The following SNX29 variants were observed in gnomAD, a reference collection of about 807,000 sequenced individuals.
SNX29 encodes sorting nexin-29.
A neutral mutation model predicts 102.1 loss-of-function variants in SNX29; 78 were observed. The observed-to-expected ratio is 0.76, with a 90% CI of 0.64 to 0.92. The LOEUF (loss-of-function observed/expected upper bound fraction) is 0.92. Among genes scored for constraint, SNX29 ranks in the 40% least tolerant of loss-of-function variants. The probability of loss-of-function intolerance (pLI) is 0.00; values close to 1 mark genes in which losing one functional copy is unlikely to be tolerated. For missense variants in SNX29, 1,280 were observed against 1,061.7 expected (o/e 1.21, Z -2.86); for synonymous variants, 580 against 414.5 (o/e 1.40, Z -4.85).
At chr16:12,273,547 C>A (rs999586827) in intron 14 of SNX29, among the ~76,000 whole-genome samples, 3 of 151,966 alleles carry the variant, frequency 2.0e-5, no homozygotes, top group Non-Finnish European at 4.4e-5. Context: ...TTAGTAGAGA[C>A]AGGGTTTCAC....
chr16:12,558,553 C>G (rs759508965), intron 20 of SNX29, among the ~76,000 whole-genome samples: 2 of 152,242 alleles, frequency 1.3e-5, no homozygotes, highest in African/African-American at 2.4e-5. Context: ...TGCCATGCCT[C>G]TCAGTACCCC....
intron 18 of SNX29, among the ~76,000 whole-genome samples, chr16:12,434,554 C>G (rs1366802972): frequency 1.3e-5 from 2 of 152,146 alleles, no homozygotes; most frequent in African/African-American, 2.4e-5. Context: ...CCACTGTTTT[C>G]TAAACTGTGT....
intron 18 of SNX29, among the ~76,000 whole-genome samples, chr16:12,416,580 T>C (rs987622287): frequency 5.3e-5 from 8 of 152,158 alleles, no homozygotes; most frequent in African/African-American, 1.2e-4. Flanking sequence ...CGCTGGGTAG[T>C]TGATAAAGAG....
intron 19 of SNX29, among the ~76,000 whole-genome samples, chr16:12,509,890 TC>T (rs2089535985): frequency 6.6e-6 from 1 of 152,260 alleles, no homozygotes; most frequent in Non-Finnish European, 1.5e-5. Context: ...GTCCCTGTTC[TC>T]CCTGCCACAG....
chr16:12,435,966 G>A (rs554048804), intron 18 of SNX29, among the ~76,000 whole-genome samples: 1 of 152,220 alleles, frequency 6.6e-6, no homozygotes, highest in African/African-American at 2.4e-5. Context: ...GTTACTTCCC[G>A]TAGGCCCAGG....
chr16:12,320,874 C>A (rs2080909114), intron 15 of SNX29, among the ~76,000 whole-genome samples: 1 of 152,152 alleles, frequency 6.6e-6, no homozygotes, highest in Admixed American at 6.5e-5. Flanking sequence ...CTGAGGTTGC[C>A]TTAGGTCCCA....
chr16:12,493,263 T>C (rs1258287632), intron 19 of SNX29, among the ~76,000 whole-genome samples: 1 of 152,164 alleles, frequency 6.6e-6, no homozygotes, highest in Non-Finnish European at 1.5e-5. Flanking sequence ...CCCTTGTAAG[T>C]TGGATTCCTA....
intron 13 of SNX29, among the ~76,000 whole-genome samples, chr16:12,182,258 C>A (rs986090818): frequency 1.4e-5 from 2 of 145,520 alleles, no homozygotes; most frequent in African/African-American, 5.1e-5. Flanking sequence ...TCACTGTCGT[C>A]TTTCCAGAAT....
chr16:12,550,188 T>C (rs1772647187), intron 20 of SNX29, among the ~76,000 whole-genome samples: 2 of 152,202 alleles, frequency 1.3e-5, no homozygotes, highest in Admixed American at 1.3e-4. Flanking sequence ...ATGACATTAT[T>C]ACTAAGAGGA....
At chr16:12,031,805 A>G (rs1156821484) in intron 4 of SNX29, among the ~76,000 whole-genome samples, 1 of 144,662 alleles carries the variant, frequency 6.9e-6, no homozygotes, top group African/African-American at 2.6e-5. Flanking sequence ...ACTCCATCTC[A>G]AAACAAAACA....
At position 12,460,479 on chromosome 16, in the gene SNX29, C is replaced by T. The variant is rs1362091016; in HGVS notation, c.2038-17240C>T. On this transcript the variant is annotated intron_variant, in intron 18 of 20. Coordinates refer to ENST00000566228, the MANE Select transcript of SNX29 (RefSeq NM_032167.5). Reference sequence around the variant, plus strand: ...TTGGTCTTCCCTCTTGTTACCTCCTCCTCCCCCTGGCCAGCTCCTCTTCAT... The same window carrying T: ...TTGGTCTTCCCTCTTGTTACCTCCTTCTCCCCCTGGCCAGCTCCTCTTCAT... Among the ~76,000 whole-genome samples the T allele has an allele frequency of 2.6e-5, 4 of 152,112 alleles. No homozygotes were observed. In the East Asian group the frequency reaches 7.7e-4, roughly 29 times the overall value.
At chr16:12,362,871 C>T (rs2082348044) in intron 16 of SNX29, among the ~76,000 whole-genome samples, 2 of 152,108 alleles carry the variant, frequency 1.3e-5, no homozygotes, top group Admixed American at 1.3e-4. Flanking sequence ...TTGTTTCTTT[C>T]TGCTCCCTTT....
chr16:12,129,465 G>C (rs1340986901), intron 12 of SNX29, among the ~76,000 whole-genome samples, 165 bp from the exon 13 acceptor site: 1 of 152,226 alleles, frequency 6.6e-6, no homozygotes, highest in Admixed American at 6.5e-5. Flanking sequence ...CTATCAATTA[G>C]AGTTTGCTAT....
Position 12,174,453 on chromosome 16 carries a change from C to T in SNX29, c.1596-25148C>T, listed in dbSNP as rs561444308. 3.3e-5 allele frequency among the ~76,000 whole-genome samples: 5 copies of T among 152,272 alleles called. No individual in the cohort carries two copies. The East Asian group carries it at 5.8e-4, about 18-fold the overall frequency. On this transcript the variant is annotated intron_variant, in intron 13 of 20. Coordinates refer to ENST00000566228, the MANE Select transcript of SNX29 (RefSeq NM_032167.5). ...CTTGACCTCTGCCCAAAGGAAAGGGCGAGAGAATCTAGCTGTTGCTGCCCA... is the reference window on the plus strand; with the variant it reads ...CTTGACCTCTGCCCAAAGGAAAGGGTGAGAGAATCTAGCTGTTGCTGCCCA...
intron 14 of SNX29, among the ~76,000 whole-genome samples, chr16:12,237,095 G>A (rs2142252039): frequency 6.6e-6 from 1 of 152,268 alleles, no homozygotes; most frequent in East Asian, 1.9e-4. Flanking sequence ...TGTGTTGGCT[G>A]TTTGCAGCAG....
intron 16 of SNX29, among the ~76,000 whole-genome samples, chr16:12,385,059 A>G (rs985171745): frequency 6.6e-6 from 1 of 152,238 alleles, no homozygotes; most frequent in African/African-American, 2.4e-5. Context: ...AGTACTAGCT[A>G]CTTGGGAGGC....
chr16:12,504,852 G>A (rs2089300644), intron 19 of SNX29, among the ~76,000 whole-genome samples: 1 of 152,202 alleles, frequency 6.6e-6, no homozygotes, highest in Non-Finnish European at 1.5e-5. Context: ...GTATCCTGTG[G>A]ATAAGCGGGA....
chr16:12,348,336 G>A (rs1165268582), intron 15 of SNX29, among the ~76,000 whole-genome samples: 1 of 152,188 alleles, frequency 6.6e-6, no homozygotes, highest in African/African-American at 2.4e-5. Context: ...CCTAGCTGCT[G>A]GGGAGCTCCT....
At chr16:12,556,761 A>G (rs1023081849) in intron 20 of SNX29, among the ~76,000 whole-genome samples, 2 of 152,202 alleles carry the variant, frequency 1.3e-5, no homozygotes, top group African/African-American at 4.8e-5. Context: ...AGGCACCCCC[A>G]GAGTTCTGGT....
Sources: allele counts gnomAD v4.1 joint callset (sites outside exome capture counted in the v4.1 genomes callset), GRCh38; gene constraint gnomAD v4.1.1; transcripts MANE v1.5; gene names NCBI Gene and HGNC (gene_info 2026-07-23, HGNC 2026-07-21).